SRRM3: variants seen among roughly 807,000 people sequenced by gnomAD.
SRRM3 encodes the protein serine/arginine repetitive matrix 3.
Under a neutral mutation model 66.2 loss-of-function variants are expected in SRRM3, and 27 were observed. The ratio of observed to expected loss-of-function variants is 0.41; its 90% confidence interval spans 0.30 to 0.56. The LOEUF is 0.56. Among genes scored for constraint, SRRM3 ranks in the 20% least tolerant of loss-of-function variants. The pLI is 0.32. For missense variants in SRRM3, 918 were observed against 991.9 expected (o/e 0.93, Z 1.00); for synonymous variants, 391 against 414.9 (o/e 0.94, Z 0.70).
chr7:76,224,233 C>A (rs1285232570), intron 1 of SRRM3, among the ~76,000 whole-genome samples: 3 of 148,142 alleles, frequency 2.0e-5, no homozygotes, highest in African/African-American at 7.5e-5. Context: ...GCGCACACTG[C>A]CAGTCCTGGC....
In SRRM3 at chr7:76,260,858, T is replaced by C; in HGVS notation, c.546-16T>C. The C allele has an allele frequency of 6.4e-7, 1 of 1,557,294 alleles. No individual in the cohort carries two copies. Among genetic ancestry groups the C allele is most frequent in the Non-Finnish European group, 8.7e-7 (1 of 1,149,980 alleles). On this transcript the variant is annotated splice_polypyrimidine_tract_variant and intron_variant, in intron 5 of 14. Coordinates refer to ENST00000611745, the MANE Select transcript of SRRM3 (RefSeq NM_001110199.3). ...CATCCATCCGTCTGTCCTTTCTTCC[T>C]GGCATCTGCCCTCAGCAAAAAGAGG...
At chr7:76,268,249 G>A (rs1401179959) in intron 11 of SRRM3, 1 of 152,412 alleles carries the variant, frequency 6.6e-6, no homozygotes, top group South Asian at 2.1e-4. Flanking sequence ...CCTGTCCCCA[G>A]ATGGATGGGC....
intron 1 of SRRM3, among the ~76,000 whole-genome samples, chr7:76,232,970 G>C (rs1320302672): frequency 1.3e-5 from 2 of 151,966 alleles, no homozygotes; most frequent in African/African-American, 4.8e-5. Flanking sequence ...CGTGGTAACA[G>C]GGGAGGAGAG....
At chr7:76,252,749 G>A (rs540772659) in intron 3 of SRRM3, among the ~76,000 whole-genome samples, 1 of 152,172 alleles carries the variant, frequency 6.6e-6, no homozygotes, top group South Asian at 2.1e-4. Flanking sequence ...GACATCATAG[G>A]GAATGTTCCT....
Position 76,285,871 on chromosome 7 carries a change from C to A in SRRM3, c.*28C>A. 6.5e-7 allele frequency: 1 copy of A among 1,533,356 alleles called. No homozygotes were observed. 95.0% of individuals were successfully genotyped at this position (1,533,356 alleles called of 1,614,324 possible). A position where few individuals can be genotyped will look rare whatever the true frequency, so the allele number is the denominator to read the frequency against. On this transcript the variant is annotated 3_prime_UTR_variant, in exon 15 of 15. Transcript: ENST00000611745. This position sits in a 1 kb window ranked among gnomAD's most constrained non-coding sequence, Gnocchi z 4.1. ...CCAGACAGACTCAGCTTGGTGCCCCCCTGGCACTGGGAGAGGCGAGGGGCG... is the reference window on the plus strand; with the variant it reads ...CCAGACAGACTCAGCTTGGTGCCCCACTGGCACTGGGAGAGGCGAGGGGCG...
intron 1 of SRRM3, among the ~76,000 whole-genome samples, chr7:76,208,889 G>A (rs1463375285): frequency 6.7e-6 from 1 of 149,742 alleles, no homozygotes; most frequent in Non-Finnish European, 1.5e-5. Flanking sequence ...GAGGAAGGGA[G>A]GAAGGGAGGG....
intron 1 of SRRM3, among the ~76,000 whole-genome samples, chr7:76,234,592 G>T (rs1801094855): frequency 6.6e-6 from 1 of 152,170 alleles, no homozygotes; most frequent in East Asian, 1.9e-4. Context: ...CCACTGGACA[G>T]AGCCAGGATA....
chr7:76,234,936 C>T, intron 1 of SRRM3, 92 bp from the exon 2 acceptor site: 1 of 743,836 alleles, frequency 1.3e-6, no homozygotes, highest in Non-Finnish European at 2.1e-6. Context: ...ATGAGTGTGC[C>T]CTTAAATCTC....
At chr7:76,272,244 T>C (rs1802232279) in intron 11 of SRRM3, among the ~76,000 whole-genome samples, 1 of 152,154 alleles carries the variant, frequency 6.6e-6, no homozygotes, top group Admixed American at 6.5e-5. Flanking sequence ...CCTGCTCACC[T>C]TAGAAGTCTC....
At chr7:76,271,989 T>C (rs1195292979) in intron 11 of SRRM3, among the ~76,000 whole-genome samples, 3 of 152,082 alleles carry the variant, frequency 2.0e-5, no homozygotes, top group Non-Finnish European at 4.4e-5. Flanking sequence ...GAAATAAATA[T>C]CGAGGCACAG....
intron 1 of SRRM3, among the ~76,000 whole-genome samples, chr7:76,232,809 A>T (rs1801046666): frequency 6.6e-6 from 1 of 152,084 alleles, no homozygotes; most frequent in African/African-American, 2.4e-5. Context: ...AACAAGAGTC[A>T]CGGGAGGCTG....
At chr7:76,263,990 C>T (rs782785878) in intron 8 of SRRM3, among the ~76,000 whole-genome samples, 9 of 149,816 alleles carry the variant, frequency 6.0e-5, no homozygotes, top group Non-Finnish European at 8.9e-5. Context: ...TGGGAGCACA[C>T]GGAGGAAGGG....
chr7:76,267,597 G>A, intron 11 of SRRM3, 162 bp downstream of exon 11: 1 of 569,632 alleles, frequency 1.8e-6, no homozygotes, highest in Non-Finnish European at 2.6e-6. Flanking sequence ...GTCCTGGCTC[G>A]GGAGCCGCCG....
At chr7:76,251,105 C>T (rs913228637) in intron 3 of SRRM3, among the ~76,000 whole-genome samples, 11 of 151,940 alleles carry the variant, frequency 7.2e-5, no homozygotes, top group East Asian at 1.9e-4. Context: ...AGCGTGCTGC[C>T]GGCAGTCTCT....
intron 1 of SRRM3, among the ~76,000 whole-genome samples, chr7:76,234,339 C>T (rs1266791917): frequency 1.3e-5 from 2 of 152,058 alleles, no homozygotes; most frequent in Non-Finnish European, 2.9e-5. Context: ...AAGCTAATGT[C>T]AGTGTCAGCT....
chr7:76,202,691 C>A (rs1195775294), intron 1 of SRRM3, among the ~76,000 whole-genome samples: 1 of 152,168 alleles, frequency 6.6e-6, no homozygotes, highest in African/African-American at 2.4e-5. Flanking sequence ...CCCACCCCAA[C>A]CACGGACGCC....
intron 11 of SRRM3, among the ~76,000 whole-genome samples, chr7:76,280,442 G>A (rs1802465284): frequency 8.1e-6 from 1 of 123,870 alleles, no homozygotes; most frequent in South Asian, 3.0e-4. Flanking sequence ...CTGGGGGTCC[G>A]GCCTGGTGGG....
chr7:76,253,290 C>T (rs1801625597), intron 3 of SRRM3, among the ~76,000 whole-genome samples: 1 of 152,046 alleles, frequency 6.6e-6, no homozygotes, highest in Non-Finnish European at 1.5e-5. Flanking sequence ...AGTTTGAGAC[C>T]AGCCTGACCA....
intron 10 of SRRM3, among the ~76,000 whole-genome samples, chr7:76,266,560 A>G (rs1265222032): frequency 1.7e-5 from 2 of 116,254 alleles, no homozygotes; most frequent in Admixed American, 1.2e-4. Flanking sequence ...TATTAAATAT[A>G]TAATATATAA....
Sources: gnomAD v4.1 joint callset for allele counts (sites outside exome capture counted in the v4.1 genomes callset) on GRCh38, gnomAD v4.1.1 for gene constraint, Gnocchi (gnomAD v3.1) non-coding constraint, MANE v1.5 for transcripts, NCBI Gene and HGNC (gene_info 2026-07-23, HGNC 2026-07-21) for gene names.